Variants in ST8SIA6 observed in about 807,000 individuals in gnomAD.
ST8SIA6 encodes alpha-2,8-sialyltransferase 8F.
Under a neutral mutation model 33.6 loss-of-function variants are expected in ST8SIA6, and 39 were observed. That is an observed-to-expected ratio of 1.16 (90% CI 0.90 to 1.52). The LOEUF is 1.52. Among genes scored for constraint, ST8SIA6 ranks in the 40% most tolerant of loss-of-function variants. ST8SIA6 has a pLI of 0.00. For synonymous variants in ST8SIA6, 172 were observed against 167.2 expected (o/e 1.03, Z -0.22); for missense variants, 441 against 443.8 (o/e 0.99, Z 0.06).
chr10:17,340,988 C>A (rs567792224), intron 4 of ST8SIA6, among the ~76,000 whole-genome samples: 5 of 152,110 alleles, frequency 3.3e-5, no homozygotes, highest in Non-Finnish European at 7.4e-5. Flanking sequence ...TGTGCAGCTA[C>A]GGGAGGCAAG....
At chr10:17,385,413 G>C (rs1357148987) in intron 3 of ST8SIA6, among the ~76,000 whole-genome samples, 1 of 152,184 alleles carries the variant, frequency 6.6e-6, no homozygotes, top group African/African-American at 2.4e-5. Flanking sequence ...CCACCAAACA[G>C]GCTTTGTGTG....
At chr10:17,351,922 A>G (rs1781635302) in intron 4 of ST8SIA6, among the ~76,000 whole-genome samples, 1 of 152,158 alleles carries the variant, frequency 6.6e-6, no homozygotes, top group Non-Finnish European at 1.5e-5. Context: ...AAAGGGTACA[A>G]AGTTTCAGTT....
chr10:17,358,872 A>G (rs982017985), intron 4 of ST8SIA6, among the ~76,000 whole-genome samples: 1 of 152,180 alleles, frequency 6.6e-6, no homozygotes, highest in Non-Finnish European at 1.5e-5. Flanking sequence ...ACTGACCTTG[A>G]TCTATGATAT....
At chr10:17,346,211 A>G (rs778840107) in intron 4 of ST8SIA6, among the ~76,000 whole-genome samples, 7 of 152,202 alleles carry the variant, frequency 4.6e-5, no homozygotes, top group South Asian at 2.1e-4. Flanking sequence ...TAAGCAGTCA[A>G]TGGTAACTTA....
intron 2 of ST8SIA6, among the ~76,000 whole-genome samples, chr10:17,444,154 C>T (rs1162411238): frequency 6.6e-6 from 1 of 152,150 alleles, no homozygotes; most frequent in African/African-American, 2.4e-5. Flanking sequence ...TCTTCTTTCA[C>T]ATTTATGCTA....
intron 2 of ST8SIA6, chr10:17,410,490 A>C (rs927774779): frequency 6.6e-6 from 1 of 152,210 alleles, no homozygotes; most frequent in Non-Finnish European, 1.5e-5. Flanking sequence ...ATAATAGCAA[A>C]AACTATAAAC....
chr10:17,362,574 T>G (rs1453030699), intron 3 of ST8SIA6, among the ~76,000 whole-genome samples: 4 of 152,220 alleles, frequency 2.6e-5, no homozygotes. Context: ...ATAGCCTCTC[T>G]CATGTTAAAT....
At chr10:17,349,478 G>C (rs1848961193) in intron 4 of ST8SIA6, among the ~76,000 whole-genome samples, 1 of 152,144 alleles carries the variant, frequency 6.6e-6, no homozygotes, top group Non-Finnish European at 1.5e-5. Context: ...AACGGACTCT[G>C]TACTGAGCAT....
intron 5 of ST8SIA6, among the ~76,000 whole-genome samples, chr10:17,329,529 C>T (rs1345123985): frequency 6.6e-6 from 1 of 152,138 alleles, no homozygotes; most frequent in African/African-American, 2.4e-5. Context: ...GAACTTCTAG[C>T]TCAAGATGTC....
At chr10:17,379,234 T>G (rs1210073930) in intron 3 of ST8SIA6, among the ~76,000 whole-genome samples, 1 of 151,900 alleles carries the variant, frequency 6.6e-6, no homozygotes, top group African/African-American at 2.4e-5. Flanking sequence ...TAACAGCTTA[T>G]CCCTAAGTTC....
At chr10:17,357,341 T>C (rs1038835700) in intron 4 of ST8SIA6, among the ~76,000 whole-genome samples, 23 of 151,634 alleles carry the variant, frequency 1.5e-4, no homozygotes, top group Non-Finnish European at 3.2e-4. Context: ...TTCCACCATG[T>C]TGGTCAGGCT....
At chr10:17,373,399 T>C (rs1407017816) in intron 3 of ST8SIA6, among the ~76,000 whole-genome samples, 1 of 152,190 alleles carries the variant, frequency 6.6e-6, no homozygotes, top group Non-Finnish European at 1.5e-5. Flanking sequence ...TGCATAACTT[T>C]TCCCCAAAAC....
intron 4 of ST8SIA6, among the ~76,000 whole-genome samples, chr10:17,332,919 T>C (rs1349977945): frequency 6.6e-6 from 1 of 152,200 alleles, no homozygotes; most frequent in Admixed American, 6.6e-5. Flanking sequence ...TCTTTTTCTC[T>C]TGTAAATTTG....
chr10:17,318,780 C>A lies in ST8SIA6; in HGVS notation c.*2098G>T, dbSNP rs1038393981. ...ATTCACCAATACAGAACAAAAAGAA[C>A]TGTGACTTACGTTTTACAGTTTACA... On this transcript the variant is annotated 3_prime_UTR_variant, in exon 8 of 8. Coordinates refer to ENST00000377602, the MANE Select transcript of ST8SIA6 (RefSeq NM_001004470.3). 4 of 465,334 alleles carry A rather than the reference C, an allele frequency of 8.6e-6. No homozygotes were observed. Among genetic ancestry groups the A allele is most frequent in the Non-Finnish European group, 1.8e-5 (4 of 225,972 alleles). 28.8% of individuals were successfully genotyped at this position (465,334 alleles called of 1,614,324 possible). A position where few individuals can be genotyped will look rare whatever the true frequency, so the allele number is the denominator to read the frequency against.
chr10:17,343,930 A>G (rs528112170), intron 4 of ST8SIA6, among the ~76,000 whole-genome samples: 24 of 152,310 alleles, frequency 1.6e-4, no homozygotes, highest in Middle Eastern at 3.4e-3. Flanking sequence ...CAAGCACTTT[A>G]TATATTATTT....
intron 2 of ST8SIA6, among the ~76,000 whole-genome samples, chr10:17,397,811 T>C (rs1850871444): frequency 6.6e-6 from 1 of 152,124 alleles, no homozygotes; most frequent in Admixed American, 6.6e-5. Context: ...CTTCAGTATG[T>C]TGCGGGGGGG....
chr10:17,352,053 AAAAAT>A (rs1276412342), intron 4 of ST8SIA6, among the ~76,000 whole-genome samples: 1 of 146,436 alleles, frequency 6.8e-6, no homozygotes, highest in South Asian at 2.3e-4. Context: ...CACTAAAAAA[AAAAAT>A]GTTAAGCATA....
chr10:17,449,911 C>T (rs902452934), intron 2 of ST8SIA6, among the ~76,000 whole-genome samples: 1 of 152,132 alleles, frequency 6.6e-6, no homozygotes, highest in Admixed American at 6.5e-5. Context: ...CTTCCTCCTC[C>T]AATCAGGATT....
Position 17,437,923 on chromosome 10 carries a change from G to C in ST8SIA6, c.200+15636C>G, listed in dbSNP as rs545607082. Among the ~76,000 whole-genome samples, 4 of 152,058 alleles carry C rather than the reference G, an allele frequency of 2.6e-5. No homozygotes were observed. The East Asian group carries it at 7.8e-4, about 30-fold the overall frequency. Reference sequence around the variant, plus strand: ...TTTTTGTATTTTTAGTAGAGATGGGGTTTCACCATATTGGCCAGGCCGATC... The same window carrying C: ...TTTTTGTATTTTTAGTAGAGATGGGCTTTCACCATATTGGCCAGGCCGATC... On this transcript the variant is annotated intron_variant, in intron 2 of 7. Coordinates refer to ENST00000377602, the MANE Select transcript of ST8SIA6 (RefSeq NM_001004470.3).
Sources: allele counts gnomAD v4.1 joint callset (sites outside exome capture counted in the v4.1 genomes callset), GRCh38; gene constraint gnomAD v4.1.1; transcripts MANE v1.5; gene names NCBI Gene and HGNC (gene_info 2026-07-23, HGNC 2026-07-21).